RIC8B: variants seen among roughly 807,000 people sequenced by gnomAD.
The protein encoded by RIC8B is RIC8 guanine nucleotide exchange factor B, also known as chaperone Ric-8B.
Under a neutral mutation model 57.5 loss-of-function variants are expected in RIC8B, and 16 were observed. The observed-to-expected ratio is 0.28, with a 90% CI of 0.19 to 0.42. The LOEUF is 0.42. RIC8B is among the 10% of genes least tolerant of loss of function. The probability of loss-of-function intolerance (pLI) is 1.00; values close to 1 mark genes in which losing one functional copy is unlikely to be tolerated. For missense variants in RIC8B, 481 were observed against 677.0 expected (o/e 0.71, Z 3.21); for synonymous variants, 216 against 250.8 (o/e 0.86, Z 1.31).
At chr12:106,778,565 T>A (rs1264451542) in intron 1 of RIC8B, among the ~76,000 whole-genome samples, 1 of 152,234 alleles carries the variant, frequency 6.6e-6, no homozygotes, top group Non-Finnish European at 1.5e-5. Flanking sequence ...TGTCATCTTA[T>A]ATTAATTCCT....
chr12:106,810,541 C>T (rs1012226357), intron 2 of RIC8B, among the ~76,000 whole-genome samples: 2 of 151,994 alleles, frequency 1.3e-5, no homozygotes, highest in African/African-American at 4.8e-5. Flanking sequence ...ATGTTGAGGG[C>T]TGAAGTGGTT....
chr12:106,849,344 G>A (rs1949356142), intron 6 of RIC8B, among the ~76,000 whole-genome samples: 1 of 145,092 alleles, frequency 6.9e-6, no homozygotes, highest in Non-Finnish European at 1.5e-5. Context: ...GTAGAGACAG[G>A]GTCTCGCTAT....
chr12:106,827,703 A>C (rs928244543), intron 4 of RIC8B, among the ~76,000 whole-genome samples: 1 of 152,196 alleles, frequency 6.6e-6, no homozygotes, highest in African/African-American at 2.4e-5. Context: ...AAAAAGTCAG[A>C]TTAACTGCAA....
chr12:106,849,561 CAAG>C (rs1949369884), intron 6 of RIC8B, among the ~76,000 whole-genome samples: 1 of 151,532 alleles, frequency 6.6e-6, no homozygotes, highest in Admixed American at 6.6e-5. Flanking sequence ...TGGGTCCCAC[CAAG>C]ACTTAACTGA....
At chr12:106,785,559 T>C (rs904386858) in intron 2 of RIC8B, among the ~76,000 whole-genome samples, 7 of 151,958 alleles carry the variant, frequency 4.6e-5, no homozygotes, top group Non-Finnish European at 1.0e-4. Flanking sequence ...AAAGTATTTA[T>C]TGGATGAGTG....
intron 7 of RIC8B, among the ~76,000 whole-genome samples, chr12:106,851,859 A>C (rs78047085): frequency 6.6e-6 from 1 of 152,304 alleles, no homozygotes; most frequent in East Asian, 1.9e-4. Context: ...CCCAGCCTTC[A>C]TCTTAATGGG....
At chr12:106,878,364 T>C (rs1459818456) in intron 9 of RIC8B, among the ~76,000 whole-genome samples, 1 of 152,086 alleles carries the variant, frequency 6.6e-6, no homozygotes, top group Admixed American at 6.5e-5. Context: ...TCACAAGTTA[T>C]TGGGAAACCC....
At chr12:106,834,815 C>G (rs571095802) in intron 4 of RIC8B, among the ~76,000 whole-genome samples, 1 of 151,814 alleles carries the variant, frequency 6.6e-6, no homozygotes, top group South Asian at 2.1e-4. Context: ...AACCCCGTCT[C>G]TATTAAAAAT....
At chr12:106,833,310 C>T (rs937955122) in intron 4 of RIC8B, among the ~76,000 whole-genome samples, 3 of 152,078 alleles carry the variant, frequency 2.0e-5, no homozygotes, top group Admixed American at 2.0e-4. Context: ...CACAAACTTT[C>T]AAAATTATCA....
chr12:106,883,526 T>TTGA (rs1951051520), intron 9 of RIC8B, among the ~76,000 whole-genome samples: 1 of 152,066 alleles, frequency 6.6e-6, no homozygotes, highest in South Asian at 2.1e-4. Flanking sequence ...CCTGGCCCCA[T>TTGA]TGAATAGAGT....
chr12:106,864,426 C>T (rs1474076542), intron 8 of RIC8B, among the ~76,000 whole-genome samples: 2 of 152,014 alleles, frequency 1.3e-5, no homozygotes, highest in African/African-American at 2.4e-5. Context: ...TTAATATGTG[C>T]CAGGCACTTT....
chr12:106,885,457 G>C (rs1016326145), intron 9 of RIC8B, among the ~76,000 whole-genome samples: 4 of 151,840 alleles, frequency 2.6e-5, no homozygotes, highest in Non-Finnish European at 5.9e-5. Flanking sequence ...AAAACCGACA[G>C]ATTTATTCCA....
intron 6 of RIC8B, among the ~76,000 whole-genome samples, chr12:106,849,317 T>TTATC (rs1949354431): frequency 2.0e-5 from 3 of 147,948 alleles, no homozygotes; most frequent in African/African-American, 7.5e-5. Flanking sequence ...ATTTATTTAT[T>TTATC]TATTTATCTA....
chr12:106,805,247 T>G (rs1252641778), intron 2 of RIC8B, among the ~76,000 whole-genome samples: 3 of 152,212 alleles, frequency 2.0e-5, no homozygotes, highest in Non-Finnish European at 4.4e-5. Context: ...ACAACCAAGT[T>G]ATACAAGTTA....
At chr12:106,835,513 T>C (rs1300984505) in intron 4 of RIC8B, among the ~76,000 whole-genome samples, 1 of 152,202 alleles carries the variant, frequency 6.6e-6, no homozygotes, top group Non-Finnish European at 1.5e-5. Flanking sequence ...CACATCAACC[T>C]GGTAAGTTTA....
intron 4 of RIC8B, among the ~76,000 whole-genome samples, chr12:106,840,145 A>C (rs945003847): frequency 3.3e-5 from 5 of 152,252 alleles, no homozygotes; most frequent in Non-Finnish European, 5.9e-5. Context: ...ACATTTGACC[A>C]GCAAGATTTA....
chr12:106,864,196 A>T (rs1950047890), intron 8 of RIC8B, among the ~76,000 whole-genome samples: 1 of 152,148 alleles, frequency 6.6e-6, no homozygotes, highest in Non-Finnish European at 1.5e-5. Context: ...AGAAACTGGT[A>T]TCTCTTCAAA....
intron 4 of RIC8B, among the ~76,000 whole-genome samples, chr12:106,835,024 T>G (rs887721874): frequency 6.6e-6 from 1 of 151,444 alleles, no homozygotes; most frequent in African/African-American, 2.4e-5. Flanking sequence ...AACTCTTTTC[T>G]TCCCACACCC....
At chr12:106,844,758 T>C (rs1048157404) in intron 6 of RIC8B, among the ~76,000 whole-genome samples, 5 of 152,198 alleles carry the variant, frequency 3.3e-5, no homozygotes, top group African/African-American at 1.2e-4. Context: ...AGTTCATACT[T>C]GGGGATATGT....
Sources: gnomAD v4.1 joint callset for allele counts (sites outside exome capture counted in the v4.1 genomes callset) on GRCh38, gnomAD v4.1.1 for gene constraint, MANE v1.5 for transcripts, NCBI Gene and HGNC (gene_info 2026-07-23, HGNC 2026-07-21) for gene names.